The following CAPN8 variants were observed in gnomAD, a reference collection of about 807,000 sequenced individuals.
CAPN8 encodes the protein calpain-8.
In CAPN8, 87 loss-of-function variants were observed where a neutral mutation model predicts 80.9. That is an observed-to-expected ratio of 1.07 (90% confidence interval 0.90 to 1.28). CAPN8 has a LOEUF of 1.28. CAPN8 is among the 50% of genes most tolerant of loss of function. CAPN8 has a pLI of 0.00. For missense variants in CAPN8, 757 were observed against 702.0 expected, an observed-to-expected ratio of 1.08 and a Z score of -0.89; for synonymous variants, 299 against 273.8, an observed-to-expected ratio of 1.09 and a Z score of -0.91.
chr1:223,616,044 G>C lies in CAPN8; in HGVS notation c.1237C>G (p.Leu413Val). 1 of 1,552,326 alleles carries C rather than the reference G, an allele frequency of 6.4e-7. No homozygotes were observed. The highest frequency in any genetic ancestry group is 2.4e-5 in the East Asian group (1 of 40,928). Reference protein sequence around the residue: ...GEPCCTVLLGLMQKNRRWRKR... With the variant: ...GEPCCTVLLGVMQKNRRWRKR... ...CGCCACCTGCGATTTTTCTGCATCA[G>C]GCCCAGCAGCACTGTACAGCAGGGT... Residue 413 changes from leucine (L) to valine (V), a missense_variant, in exon 10 of 21, where the codon CTG becomes GTG. Transcript: ENST00000366872.
intron 1 of CAPN8, among the ~76,000 whole-genome samples, chr1:223,657,318 T>A (rs1309750529): frequency 6.6e-6 from 1 of 151,984 alleles, no homozygotes. Context: ...GGCAGAGAGA[T>A]CTGATAGAGT....
At chr1:223,652,201 G>A (rs1032760495) in intron 2 of CAPN8, among the ~76,000 whole-genome samples, 2 of 152,142 alleles carry the variant, frequency 1.3e-5, no homozygotes, top group Non-Finnish European at 2.9e-5. Flanking sequence ...AATTAGCTGG[G>A]TGTGGTGGTG....
chr1:223,665,609 G>T lies in CAPN8; in HGVS notation c.38C>A (p.Ala13Glu), dbSNP rs372891276. 1 of 1,551,520 alleles carries T rather than the reference G, an allele frequency of 6.4e-7. No homozygotes were observed. Among genetic ancestry groups the T allele is most frequent in the Non-Finnish European group, 8.7e-7 (1 of 1,146,994 alleles). Residue 13 changes from alanine to glutamate, a missense_variant, in exon 1 of 21, where the codon GCA (alanine) becomes GAA (glutamate). By Grantham distance (107) the Ala-to-Glu change is moderately radical (BLOSUM62 -1). Coordinates refer to ENST00000366872, the MANE Select transcript of CAPN8 (RefSeq NM_001143962.2). ...GTTGGAGCCAAGACCTTGAGTGGCT[G>T]CCCGCTGCCTAGATACACCAGCTGC... ...AQAAGVSRQRAATQGLGSNQN... is the reference protein window; with the variant it reads ...AQAAGVSRQREATQGLGSNQN...
intron 6 of CAPN8, among the ~76,000 whole-genome samples, chr1:223,624,603 A>G (rs1385979360): frequency 6.6e-6 from 1 of 152,118 alleles, no homozygotes; most frequent in African/African-American, 2.4e-5. Flanking sequence ...AGTCCCAGCT[A>G]CTTGGGAGGC....
At chr1:223,630,756 G>A (rs1657751270) in intron 2 of CAPN8, among the ~76,000 whole-genome samples, 3 of 151,782 alleles carry the variant, frequency 2.0e-5, no homozygotes, top group South Asian at 2.1e-4. Flanking sequence ...GCTCCTAGGT[G>A]AGACTAGACC....
At chr1:223,609,553 G>A (rs1263120921) in intron 11 of CAPN8, among the ~76,000 whole-genome samples, 189 bp from the exon 12 acceptor site, 1 of 152,148 alleles carries the variant, frequency 6.6e-6, no homozygotes, top group African/African-American at 2.4e-5. Flanking sequence ...TGCCTTCTGG[G>A]TGCCAGGCCC....
intron 2 of CAPN8, among the ~76,000 whole-genome samples, chr1:223,630,617 T>TA (rs1020284409): frequency 6.6e-6 from 1 of 152,148 alleles, no homozygotes; most frequent in African/African-American, 2.4e-5. Context: ...ATTACAGGTG[T>TA]AAGCCACCAT....
At chr1:223,615,608 T>A (rs1657146898) in intron 10 of CAPN8, among the ~76,000 whole-genome samples, 1 of 152,184 alleles carries the variant, frequency 6.6e-6, no homozygotes, top group Non-Finnish European at 1.5e-5. Context: ...GTGATGCCCC[T>A]CATCTTCCTT....
chr1:223,652,435 A>G (rs1658367511), intron 2 of CAPN8, among the ~76,000 whole-genome samples: 1 of 152,176 alleles, frequency 6.6e-6, no homozygotes, highest in Non-Finnish European at 1.5e-5. Flanking sequence ...CCAACAGAAC[A>G]TTTAACAAAC....
intron 2 of CAPN8, among the ~76,000 whole-genome samples, chr1:223,634,836 G>A (rs1168713991): frequency 6.6e-6 from 1 of 152,208 alleles, no homozygotes; most frequent in Admixed American, 6.5e-5. Context: ...AGGATTGCAA[G>A]ATATGAATGG....
intron 1 of CAPN8, among the ~76,000 whole-genome samples, chr1:223,663,368 G>A (rs1325780360): frequency 6.6e-6 from 1 of 152,028 alleles, no homozygotes; most frequent in Non-Finnish European, 1.5e-5. Flanking sequence ...AGACCCTTGG[G>A]ATCTGCAATG....
chr1:223,629,237 T>TGTGTGTGTGTGTGTGTA (rs1553337683), intron 2 of CAPN8, among the ~76,000 whole-genome samples: 2 of 151,708 alleles, frequency 1.3e-5, no homozygotes, highest in Admixed American at 6.6e-5. Context: ...TGTGTTTATG[T>TGTGTGTGTGTGTGTGTA]TCCTTGCCCC....
intron 2 of CAPN8, among the ~76,000 whole-genome samples, chr1:223,643,546 A>C (rs977078054): frequency 6.6e-6 from 1 of 152,226 alleles, no homozygotes; most frequent in Non-Finnish European, 1.5e-5. Flanking sequence ...CAAGAGCAAA[A>C]ATATGTGAAA....
chr1:223,645,249 C>T (rs9803664), intron 2 of CAPN8, among the ~76,000 whole-genome samples: 32,390 of 152,094 alleles, frequency 0.21, 5,362 homozygotes, highest in African/African-American at 0.45. Context: ...CCTCAGCCTG[C>T]TTTTATCCTG....
intron 14 of CAPN8, among the ~76,000 whole-genome samples, chr1:223,552,041 A>G (rs924724489): frequency 6.6e-6 from 1 of 152,222 alleles, no homozygotes. Context: ...AGGATGACCA[A>G]GGAAATGCAG....
At chr1:223,558,105 G>A in intron 13 of CAPN8, 26 bp downstream of exon 13, 2 of 398,630 alleles carry the variant, frequency 5.0e-6, no homozygotes, top group Non-Finnish European at 8.8e-6. Flanking sequence ...CAGTGTCAGA[G>A]TTTGGCATAC....
intron 2 of CAPN8, among the ~76,000 whole-genome samples, chr1:223,646,702 G>C (rs919098113): frequency 2.6e-5 from 4 of 152,196 alleles, no homozygotes; most frequent in African/African-American, 9.7e-5. Flanking sequence ...TCGTAAGTCA[G>C]AGAGAGCTGA....
At chr1:223,556,879 G>A (rs1433328794) in intron 13 of CAPN8, among the ~76,000 whole-genome samples, 1 of 152,180 alleles carries the variant, frequency 6.6e-6, no homozygotes, top group Non-Finnish European at 1.5e-5. Context: ...ATGCCACCGT[G>A]AGCGATAAGT....
rs79978215 is a variant in CAPN8 at position 223,612,435 on chromosome 1, T to G, written c.1312-178A>C. 7.9e-3 allele frequency among the ~76,000 whole-genome samples: 1,195 copies of G among 152,160 alleles called. 22 individuals are homozygous for G. Among genetic ancestry groups the G allele is most frequent in the African/African-American group, 0.026 (1,069 of 41,516 alleles). ...CTGAAACTGGAACACTACTGATGAA[T>G]TTCAAGGCCATCTATAAATAGGATC... On this transcript the variant is annotated intron_variant, in intron 10 of 20. Coordinates refer to ENST00000366872, the MANE Select transcript of CAPN8 (RefSeq NM_001143962.2).
Sources: allele counts gnomAD v4.1 joint callset (sites outside exome capture counted in the v4.1 genomes callset), GRCh38; gene constraint gnomAD v4.1.1; transcripts MANE v1.5; gene names NCBI Gene and HGNC (gene_info 2026-07-23, HGNC 2026-07-21).